Variants in MGLL observed in about 807,000 individuals in gnomAD.
The protein encoded by MGLL is lysophospholipase homolog.
Under a neutral mutation model 29.1 loss-of-function variants are expected in MGLL, and 7 were observed. The ratio of observed to expected loss-of-function variants is 0.24; its 90% CI spans 0.14 to 0.45. The LOEUF is 0.45. Ranked by LOEUF, MGLL falls within the 20% of genes least tolerant of loss-of-function variation. The probability of loss-of-function intolerance (pLI) is 0.99; values close to 1 mark genes in which losing one functional copy is unlikely to be tolerated. For missense variants in MGLL, 356 were observed against 413.6 expected (o/e 0.86, Z 1.21); for synonymous variants, 148 against 168.3 (o/e 0.88, Z 0.93).
chr3:127,800,390 C>T (rs1040810778), intron 2 of MGLL, among the ~76,000 whole-genome samples: 4 of 152,180 alleles, frequency 2.6e-5, no homozygotes, highest in Admixed American at 2.6e-4. Context: ...GGGGAATAGC[C>T]AGTTGACTTG....
chr3:127,763,441 C>T (rs1006434819), intron 3 of MGLL, among the ~76,000 whole-genome samples: 1 of 152,228 alleles, frequency 6.6e-6, no homozygotes, highest in Non-Finnish European at 1.5e-5. Context: ...TAGCACGGGC[C>T]CCTCAGGCTC....
intron 3 of MGLL, chr3:127,735,610 G>T: frequency 7.7e-7 from 1 of 1,292,344 alleles, no homozygotes; most frequent in Non-Finnish European, 1.1e-6. Flanking sequence ...AAAAGCAAGA[G>T]AATGAAACAC....
chr3:127,769,138 T>C (rs1242008747), intron 3 of MGLL, among the ~76,000 whole-genome samples: 1 of 152,128 alleles, frequency 6.6e-6, no homozygotes, highest in Non-Finnish European at 1.5e-5. Flanking sequence ...GATCACCTGA[T>C]GCCAGGAGTT....
At chr3:127,701,715 C>T (rs2075492336) in intron 6 of MGLL, among the ~76,000 whole-genome samples, 1 of 152,196 alleles carries the variant, frequency 6.6e-6, no homozygotes, top group South Asian at 2.1e-4. Context: ...GCCCTTCCTG[C>T]AGGCAGCCTT....
chr3:127,819,561 GGGA>G (rs2077820450), intron 2 of MGLL, among the ~76,000 whole-genome samples: 1 of 152,186 alleles, frequency 6.6e-6, no homozygotes, highest in Non-Finnish European at 1.5e-5. Context: ...CTTCCTAACT[GGGA>G]GGAGACAGGA....
chr3:127,782,960 G>A (rs1010855447), intron 2 of MGLL, among the ~76,000 whole-genome samples: 3 of 152,018 alleles, frequency 2.0e-5, no homozygotes, highest in Non-Finnish European at 4.4e-5. Context: ...AGGCCAAGGC[G>A]GGCAGATCAC....
At chr3:127,722,133 GA>G (rs1180258679) in intron 4 of MGLL, among the ~76,000 whole-genome samples, 9 of 152,338 alleles carry the variant, frequency 5.9e-5, no homozygotes, top group African/African-American at 1.9e-4. Flanking sequence ...CCCCCTCCAA[GA>G]AGTGGCTCTT....
At chr3:127,767,545 T>G (rs904135121) in intron 3 of MGLL, among the ~76,000 whole-genome samples, 6 of 152,204 alleles carry the variant, frequency 3.9e-5, no homozygotes, top group Admixed American at 3.3e-4. Flanking sequence ...TGAAAGCACA[T>G]GGTAGGCACT....
At chr3:127,786,588 G>A (rs957318293) in intron 2 of MGLL, among the ~76,000 whole-genome samples, 2 of 152,212 alleles carry the variant, frequency 1.3e-5, no homozygotes, top group Admixed American at 6.5e-5. Context: ...CACAGCCCTC[G>A]AGATGAACAA....
intron 3 of MGLL, among the ~76,000 whole-genome samples, chr3:127,733,670 G>A (rs575918508): frequency 6.6e-6 from 1 of 152,266 alleles, no homozygotes; most frequent in South Asian, 2.1e-4. Context: ...AGGCACAAGA[G>A]GGATGTTTGC....
Position 127,705,693 on chromosome 3 carries a change from T to C in MGLL, c.600+4883A>G, listed in dbSNP as rs1324574819. 6.0e-5 allele frequency among the ~76,000 whole-genome samples: 9 copies of C among 151,230 alleles called. No homozygotes were observed. In the East Asian group the frequency reaches 1.7e-3, roughly 29 times the overall value. On this transcript the variant is annotated intron_variant, in intron 6 of 7. Transcript: ENST00000265052. ...CAGGAGGCTGAGGCAGGAGAATCGCTTGAATCTGGGAGGTGGAGGTTGTGG... is the reference window on the plus strand; with the variant it reads ...CAGGAGGCTGAGGCAGGAGAATCGCCTGAATCTGGGAGGTGGAGGTTGTGG...
At chr3:127,705,330 T>C (rs1382143066) in intron 6 of MGLL, among the ~76,000 whole-genome samples, 1 of 151,808 alleles carries the variant, frequency 6.6e-6, no homozygotes, top group Non-Finnish European at 1.5e-5. Flanking sequence ...ATGGCACATG[T>C]TTACCTATGT....
At chr3:127,700,003 A>G (rs1047981506) in intron 6 of MGLL, among the ~76,000 whole-genome samples, 26 of 152,134 alleles carry the variant, frequency 1.7e-4, no homozygotes, top group African/African-American at 5.3e-4. Context: ...CTTCCCTGCA[A>G]TCTCCTCCCT....
At chr3:127,720,660 TAGG>T (rs1197235951) in intron 5 of MGLL, among the ~76,000 whole-genome samples, 1 of 152,248 alleles carries the variant, frequency 6.6e-6, no homozygotes, top group African/African-American at 2.4e-5. Flanking sequence ...TGCATGCAGT[TAGG>T]AGTGCCTGCA....
At chr3:127,714,793 A>G (rs1175170607) in intron 5 of MGLL, among the ~76,000 whole-genome samples, 1 of 152,314 alleles carries the variant, frequency 6.6e-6, no homozygotes, top group East Asian at 1.9e-4. Flanking sequence ...AAAGGTGCAG[A>G]AAGAGAAACC....
chr3:127,770,731 T>C (rs2076934974), intron 3 of MGLL, among the ~76,000 whole-genome samples: 2 of 152,182 alleles, frequency 1.3e-5, no homozygotes, highest in Admixed American at 6.5e-5. Flanking sequence ...CAAAACCCTG[T>C]TGGAGTCTTT....
chr3:127,771,125 A>G (rs2076940442), intron 3 of MGLL, among the ~76,000 whole-genome samples: 2 of 152,122 alleles, frequency 1.3e-5, no homozygotes, highest in South Asian at 4.1e-4. Flanking sequence ...CAACCCTACA[A>G]TTTGTGCTAA....
chr3:127,710,561 C>T lies in MGLL; in HGVS notation c.600+15G>A, dbSNP rs370513266. 155 of 1,546,372 alleles carry T rather than the reference C, an allele frequency of 1.0e-4. 1 individual carries two copies. The highest frequency in any genetic ancestry group is 1.0e-3 in the African/African-American group (73 of 73,206). On this transcript the variant is annotated intron_variant, in intron 6 of 7. Coordinates refer to ENST00000265052, the MANE Select transcript of MGLL (RefSeq NM_007283.7). ...GCCACCCAAGCTACCCCTGGGGTTT[C>T]GGAAAGCCTCTCACCTCTGTCTTAT... is the stretch of plus-strand genomic sequence containing the variant.
chr3:127,742,083 C>CA (rs1356560538), intron 3 of MGLL, among the ~76,000 whole-genome samples: 1 of 152,100 alleles, frequency 6.6e-6, no homozygotes, highest in East Asian at 1.9e-4. Context: ...ATTTCTAGAT[C>CA]AAAAGATACG....
Sources: allele counts gnomAD v4.1 joint callset (sites outside exome capture counted in the v4.1 genomes callset), GRCh38; gene constraint gnomAD v4.1.1; transcripts MANE v1.5; gene names NCBI Gene and HGNC (gene_info 2026-07-23, HGNC 2026-07-21).